RNH1: variants seen among roughly 807,000 people sequenced by gnomAD.
RNH1 encodes ribonuclease/angiogenin inhibitor 1, also known as ribonuclease inhibitor.
A neutral mutation model predicts 46.1 loss-of-function variants in RNH1; 38 were observed. The observed-to-expected ratio is 0.82, with a 90% confidence interval of 0.64 to 1.08. The LOEUF is 1.08. Ranked by LOEUF, RNH1 falls within the 50% of genes least tolerant of loss-of-function variation. The probability of loss-of-function intolerance (pLI) is 0.00; values close to 1 mark genes in which losing one functional copy is unlikely to be tolerated. For synonymous variants in RNH1, 319 were observed against 279.1 expected (o/e 1.14, Z -1.43); for missense variants, 577 against 590.7 (o/e 0.98, Z 0.24).
intron 1 of RNH1, 71 bp from the exon 2 acceptor site, chr11:505,067 G>A (rs1442948957): frequency 6.6e-6 from 1 of 151,986 alleles, no homozygotes; most frequent in Non-Finnish European, 1.5e-5. Context: ...CAAACCAATG[G>A]ATATCTTAAA....
intron 5 of RNH1, chr11:499,530 GAACCTGACTCACGGCCAGGCATC>G (rs1390208667): frequency 1.4e-6 from 1 of 698,670 alleles, no homozygotes; most frequent in Admixed American, 2.0e-5. Context: ...GCGGTGAGTG[GAACCTGACTCACGGCCAGGCATC>G]TGTTCCCACC....
chr11:501,694 C>T lies in RNH1; in HGVS notation c.101+368G>A, dbSNP rs1342463674. 8.2e-6 allele frequency: 2 copies of T among 243,030 alleles called. No individual in the cohort carries two copies. Among genetic ancestry groups the T allele is most frequent in the Non-Finnish European group, 1.6e-5 (2 of 124,012 alleles). 15.1% of individuals were successfully genotyped at this position (243,030 alleles called of 1,614,324 possible). A position where few individuals can be genotyped will look rare whatever the true frequency, so the allele number is the denominator to read the frequency against. On this transcript the variant is annotated intron_variant, in intron 3 of 10. Transcript: ENST00000354420. The surrounding 1 kb of genome is among the most constrained non-coding windows in gnomAD (Gnocchi z 4.1). ...ACCTCGAGGGCCGAGGACTCCCAGC[C>T]CCCAGCTTGGCAGGGACAAGCAGCG...
rs149360262 is a variant in RNH1, at chr11:500,626, G to A, written c.130C>T (p.Arg44Trp). Residue 44 changes from arginine (R) to tryptophan (W), a missense_variant, in exon 4 of 11, where the codon CGG becomes TGG. Coordinates refer to ENST00000354420, the MANE Select transcript of RNH1 (RefSeq NM_203387.3). ...AGTGCAGAGCTGATGTCCTTGCACCGTGCTTCCGTGAGGCCACAGTCGTCC... is the reference window on the plus strand; with the variant it reads ...AGTGCAGAGCTGATGTCCTTGCACCATGCTTCCGTGAGGCCACAGTCGTCC... ...RLDDCGLTEA[R>W]CKDISSALRV... 5.1e-5 allele frequency: 82 copies of A among 1,607,624 alleles called. No individual in the cohort carries two copies. Among genetic ancestry groups the A allele is most frequent in the Middle Eastern group, 1.6e-4 (1 of 6,084 alleles).
Position 502,374 on chromosome 11 carries a change from G to A in RNH1, c.-87-125C>T. 5.0e-6 allele frequency: 3 copies of A among 598,916 alleles called. No homozygotes were observed. The highest frequency in any genetic ancestry group is 3.9e-5 in the South Asian group (2 of 51,356). The allele number at this position is 598,916 out of a possible 1,614,324, so 37.1% of individuals were successfully genotyped here. On this transcript the variant is annotated intron_variant, in intron 2 of 10. Coordinates refer to ENST00000354420, the MANE Select transcript of RNH1 (RefSeq NM_203387.3). The surrounding 1 kb of genome is among the most constrained non-coding windows in gnomAD (Gnocchi z 5.8). ...AGCAGACATCAGGGGTGGGGCAGGG[G>A]GCAGGGACCAGCACCCACCCCCAGA...
chr11:501,903 G>C lies in RNH1; in HGVS notation c.101+159C>G, dbSNP rs1849781926. The C allele has an allele frequency of 3.3e-6, 2 of 609,660 alleles. No homozygotes were observed. Among genetic ancestry groups the C allele is most frequent in the South Asian group, 1.9e-5 (1 of 52,342 alleles). 37.8% of individuals were successfully genotyped at this position (609,660 alleles called of 1,614,324 possible). Reference sequence around the variant, plus strand: ...TTTTACATTCCTAAATTGTCAAAAAGAAACACAAGAATCACATCTCATGCA... The same window carrying C: ...TTTTACATTCCTAAATTGTCAAAAACAAACACAAGAATCACATCTCATGCA... On this transcript the variant is annotated intron_variant, in intron 3 of 10. Transcript: ENST00000354420. The surrounding 1 kb of genome is among the most constrained non-coding windows in gnomAD (Gnocchi z 4.1).
At chr11:499,428 G>A (rs1195588980) in intron 5 of RNH1, 16 of 677,768 alleles carry the variant, frequency 2.4e-5, no homozygotes, top group South Asian at 4.7e-5. Flanking sequence ...ACCAGGCCCG[G>A]GAGAAAGAAA....
chr11:506,744 T>C (rs1472148099), intron 1 of RNH1: 1 of 152,272 alleles, frequency 6.6e-6, no homozygotes, highest in African/African-American at 2.4e-5. Context: ...TGGGCCAGGA[T>C]TGCTTGCGTA....
At chr11:504,158 C>T (rs1850012186) in intron 2 of RNH1, among the ~76,000 whole-genome samples, 1 of 152,180 alleles carries the variant, frequency 6.6e-6, no homozygotes, top group Non-Finnish European at 1.5e-5. Flanking sequence ...ATGGGAGGGG[C>T]CGTCTGGAGG....
Position 500,722 on chromosome 11 carries a change from C to T in RNH1, c.102-68G>A, listed in dbSNP as rs984665915. 3 of 1,551,132 alleles carry T rather than the reference C, an allele frequency of 1.9e-6. No homozygotes were observed. In the African/African-American group the frequency reaches 4.1e-5, roughly 21 times the overall value. ...CTGGCCTCAGCCTCCACCACCACCC[C>T]ACGTGCAGGTTACAACCTATCAGTG... On this transcript the variant is annotated intron_variant, in intron 3 of 10. Coordinates refer to ENST00000354420, the MANE Select transcript of RNH1 (RefSeq NM_203387.3).
intron 9 of RNH1, 122 bp downstream of exon 9, chr11:497,849 T>G: frequency 8.3e-7 from 1 of 1,211,950 alleles, no homozygotes; most frequent in Non-Finnish European, 1.2e-6. Flanking sequence ...GCCTCACCCA[T>G]GTGTGCTCAC....
intron 2 of RNH1, chr11:504,316 T>C (rs1056269860): frequency 2.6e-5 from 4 of 151,572 alleles, no homozygotes; most frequent in Admixed American, 2.0e-4. Context: ...CTGCTAGTTC[T>C]GGACACCCTG....
In RNH1 at chr11:502,145, C is replaced by CA. The variant is rs1412157378; in HGVS notation, c.17_18insT (p.Gln6HisfsTer8). The CA allele has an allele frequency of 6.3e-7, 1 of 1,579,326 alleles. No homozygotes were observed. Among genetic ancestry groups the CA allele is most frequent in the Non-Finnish European group, 8.6e-7 (1 of 1,158,980 alleles). On this transcript the variant is annotated frameshift_variant, in exon 3 of 11. Coordinates refer to ENST00000354420, the MANE Select transcript of RNH1 (RefSeq NM_203387.3). LOFTEE classifies it high-confidence loss of function. This position sits in a 1 kb window ranked among gnomAD's most constrained non-coding sequence, Gnocchi z 5.8. Reference sequence around the variant, plus strand: ...GCTCCTCACACTGGATGTCCAGGCTCTGGATGTCCAGGCTCATGGTGGAGG... The same window carrying CA: ...GCTCCTCACACTGGATGTCCAGGCTCATGGATGTCCAGGCTCATGGTGGAGG...
chr11:499,101 C>T lies in RNH1; in HGVS notation c.528G>A (p.Thr176=), dbSNP rs377401251. 39 of 1,613,336 alleles carry T rather than the reference C, an allele frequency of 2.4e-5. No homozygotes were observed. Among genetic ancestry groups the T allele is most frequent in the East Asian group, 1.3e-4 (6 of 44,880 alleles). Reference sequence around the variant, plus strand: ...CCTCATTGATGTCGTTGTTGCTAACCGTGAGCTCCTTGAAGTCCGGCTTGG... The same window carrying T: ...CCTCATTGATGTCGTTGTTGCTAACTGTGAGCTCCTTGAAGTCCGGCTTGG... The part of the protein sequence containing the change: ...LRAKPDFKEL[T]VSNNDINEAG... Residue 176 remains threonine, a synonymous_variant, in exon 6 of 11, where the codon ACG becomes ACA. Coordinates refer to ENST00000354420, the MANE Select transcript of RNH1 (RefSeq NM_203387.3).
chr11:496,592 T>C (rs1027212446), intron 9 of RNH1, among the ~76,000 whole-genome samples: 2 of 152,014 alleles, frequency 1.3e-5, no homozygotes, highest in African/African-American at 4.8e-5. Context: ...TGGCATGAAC[T>C]TGGGAGGCGG....
intron 5 of RNH1, chr11:499,567 G>C: frequency 2.8e-6 from 2 of 704,408 alleles, no homozygotes; most frequent in East Asian, 2.7e-5. Context: ...TCCCACCGTC[G>C]GGTCCTGGGG....
At chr11:497,365 A>ATTCTTGCCCATGTGCTCACACACGGACC (rs1242193760) in intron 9 of RNH1, among the ~76,000 whole-genome samples, 1 of 104,058 alleles carries the variant, frequency 9.6e-6, no homozygotes, top group Non-Finnish European at 1.9e-5. Flanking sequence ...ACTCATGCTC[A>ATTCTTGCCCATGTGCTCACACACGGACC]CTCACCCATG....
chr11:503,146 G>C (rs1030827745), intron 2 of RNH1: 1 of 116,852 alleles, frequency 8.6e-6, no homozygotes, highest in Non-Finnish European at 1.6e-5. Flanking sequence ...GGAAGCAGCA[G>C]CACTGATGCC....
chr11:497,062 ACACT>A (rs1157286530), intron 9 of RNH1, among the ~76,000 whole-genome samples: 2 of 151,634 alleles, frequency 1.3e-5, no homozygotes, highest in African/African-American at 4.8e-5. Context: ...CCATGTGCTC[ACACT>A]CACATGGACA....
In RNH1 at chr11:500,581, C is replaced by G; in HGVS notation, c.175G>C (p.Ala59Pro). The change falls in exon 4 of 11, where the codon GCA (alanine) becomes CCA (proline). Residue 59 changes from alanine (A) to proline (P), a missense_variant. Physicochemically the swap from Ala to Pro is conservative, Grantham distance 27 (BLOSUM62 -1). Transcript: ENST00000354420. Reference sequence around the variant, plus strand: ...TCGTTGCTGCGCAGGTTGAGCTCTGCCAGTGCAGGGTTGACTCGAAGTGCA... The same window carrying G: ...TCGTTGCTGCGCAGGTTGAGCTCTGGCAGTGCAGGGTTGACTCGAAGTGCA... Reference protein sequence around the residue: ...SSALRVNPALAELNLRSNELG... With the variant: ...SSALRVNPALPELNLRSNELG... The G allele has an allele frequency of 6.2e-7, 1 of 1,610,728 alleles. No homozygotes were observed. Among genetic ancestry groups the G allele is most frequent in the Non-Finnish European group, 8.5e-7 (1 of 1,179,992 alleles).
Sources: allele counts gnomAD v4.1 joint callset (sites outside exome capture counted in the v4.1 genomes callset), GRCh38; gene constraint gnomAD v4.1.1; non-coding constraint Gnocchi (gnomAD v3.1); transcripts MANE v1.5; gene names NCBI Gene and HGNC (gene_info 2026-07-23, HGNC 2026-07-21).